The following CCDC192 variants were observed in gnomAD, a reference collection of about 807,000 sequenced individuals.
CCDC192 encodes the protein coiled-coil domain-containing protein 192.
At chr5:127,899,688 T>A (rs1752988380) in intron 6 of CCDC192, among the ~76,000 whole-genome samples, 1 of 152,166 alleles carries the variant, frequency 6.6e-6, no homozygotes, top group South Asian at 2.1e-4. Context: ...GGAAGCCTCA[T>A]GGAGATGCAA....
chr5:127,811,361 G>A (rs1758072989), intron 5 of CCDC192, among the ~76,000 whole-genome samples: 2 of 152,168 alleles, frequency 1.3e-5, no homozygotes, highest in African/African-American at 4.8e-5. Flanking sequence ...TTGCATAGGA[G>A]TTGGGGGTAG....
intron 5 of CCDC192, among the ~76,000 whole-genome samples, chr5:127,849,386 A>C (rs942305828): frequency 1.3e-5 from 2 of 151,778 alleles, no homozygotes; most frequent in African/African-American, 4.8e-5. Flanking sequence ...GCTGACTTCA[A>C]CTGGCCACTC....
intron 5 of CCDC192, among the ~76,000 whole-genome samples, chr5:127,827,747 T>C (rs1749596014): frequency 6.6e-6 from 1 of 152,200 alleles, no homozygotes; most frequent in Non-Finnish European, 1.5e-5. Context: ...AATAAACTAA[T>C]GCTTCCCTTC....
chr5:127,878,255 G>A (rs1454472849), intron 6 of CCDC192, among the ~76,000 whole-genome samples: 1 of 152,224 alleles, frequency 6.6e-6, no homozygotes, highest in Non-Finnish European at 1.5e-5. Flanking sequence ...AAAGAACTCA[G>A]TCCTAGCTTA....
intron 3 of CCDC192, among the ~76,000 whole-genome samples, chr5:127,758,008 G>T (rs183046417): frequency 6.6e-6 from 1 of 152,008 alleles, no homozygotes; most frequent in East Asian, 2.0e-4. Context: ...TGGGGAGTGT[G>T]GAAGACACGA....
intron 2 of CCDC192, among the ~76,000 whole-genome samples, chr5:127,710,296 C>T (rs1751248875): frequency 6.6e-6 from 1 of 152,144 alleles, no homozygotes; most frequent in Admixed American, 6.5e-5. Context: ...ATGGATTCTG[C>T]TGTGAACCAT....
At chr5:127,727,564 A>C (rs1391977625) in intron 2 of CCDC192, among the ~76,000 whole-genome samples, 2 of 152,192 alleles carry the variant, frequency 1.3e-5, no homozygotes, top group Admixed American at 6.6e-5. Flanking sequence ...CCCATCCAAA[A>C]GTCAGCAGCC....
chr5:127,753,737 A>C (rs957368475), intron 2 of CCDC192, among the ~76,000 whole-genome samples: 1 of 151,982 alleles, frequency 6.6e-6, no homozygotes, highest in Non-Finnish European at 1.5e-5. Flanking sequence ...GAGTCTACAC[A>C]TCTGCTAATT....
intron 3 of CCDC192, among the ~76,000 whole-genome samples, chr5:127,790,614 T>C (rs945917239): frequency 6.6e-6 from 1 of 152,188 alleles, no homozygotes; most frequent in Non-Finnish European, 1.5e-5. Flanking sequence ...CTCCTCTTCC[T>C]TTTTCTTCCC....
chr5:127,872,053 C>A (rs1049141462), intron 5 of CCDC192, among the ~76,000 whole-genome samples: 2 of 152,064 alleles, frequency 1.3e-5, no homozygotes, highest in African/African-American at 2.4e-5. Context: ...CATTTGATGT[C>A]TATGACTAAT....
chr5:127,766,550 G>A (rs1398298349), intron 3 of CCDC192, among the ~76,000 whole-genome samples: 1 of 134,062 alleles, frequency 7.5e-6, no homozygotes, highest in Non-Finnish European at 1.5e-5. Context: ...CCCCATCCAA[G>A]ATGTCTACTT....
At chr5:127,912,088 A>AT (rs113713531) in intron 6 of CCDC192, among the ~76,000 whole-genome samples, 2,823 of 141,318 alleles carry the variant, frequency 0.02, 62 homozygotes, top group African/African-American at 0.061. Flanking sequence ...TGCCCAGCTA[A>AT]TTTTTTTTTT....
intron 2 of CCDC192, among the ~76,000 whole-genome samples, chr5:127,751,369 C>T (rs1399789820): frequency 2.6e-5 from 4 of 151,808 alleles, no homozygotes; most frequent in African/African-American, 7.3e-5. Context: ...CTCCTTCACT[C>T]ATGAAGCTTA....
chr5:127,903,883 T>A (rs1292645872), intron 6 of CCDC192, among the ~76,000 whole-genome samples: 2 of 152,016 alleles, frequency 1.3e-5, no homozygotes, highest in African/African-American at 4.8e-5. Flanking sequence ...GGAGAGTGAA[T>A]TTCATCATGA....
At chr5:127,760,621 C>G (rs755992448) in intron 3 of CCDC192, among the ~76,000 whole-genome samples, 4 of 129,934 alleles carry the variant, frequency 3.1e-5, no homozygotes, top group Non-Finnish European at 6.2e-5. Context: ...CTAAAAAATA[C>G]AAAAAATTCG....
rs542620664 is a variant in CCDC192 at position 127,801,205 on chromosome 5, A to G, written c.411+3043A>G. On this transcript the variant is annotated intron_variant, in intron 5 of 6. Transcript: ENST00000514853. ...GGAATGGAACACTGAAGATGGGGTG[A>G]GGGTTCTTCTGGAATAAGAGATGAG... Among the ~76,000 whole-genome samples the G allele has an allele frequency of 2.0e-5, 3 of 152,274 alleles. No homozygotes were observed. The South Asian group carries it at 6.2e-4, about 32-fold the overall frequency.
intron 5 of CCDC192, among the ~76,000 whole-genome samples, chr5:127,827,632 G>A (rs1749591266): frequency 1.3e-5 from 2 of 152,166 alleles, no homozygotes; most frequent in African/African-American, 4.8e-5. Context: ...AACGCCTTGT[G>A]CTGTCTATTG....
chr5:127,835,440 T>C (rs887922981), intron 5 of CCDC192, among the ~76,000 whole-genome samples: 3 of 152,230 alleles, frequency 2.0e-5, no homozygotes, highest in African/African-American at 7.2e-5. Flanking sequence ...TTCCTTTGCA[T>C]GCTGGATGTC....
chr5:127,911,183 C>T (rs1753334928), intron 6 of CCDC192, among the ~76,000 whole-genome samples: 1 of 152,170 alleles, frequency 6.6e-6, no homozygotes, highest in Non-Finnish European at 1.5e-5. Context: ...GTATGTATGT[C>T]AACAAATATT....
Sources: allele counts gnomAD v4.1 joint callset (sites outside exome capture counted in the v4.1 genomes callset), GRCh38; gene constraint gnomAD v4.1.1; transcripts MANE v1.5; gene names NCBI Gene and HGNC (gene_info 2026-07-23, HGNC 2026-07-21).